Variants in PIGU observed in about 807,000 individuals in gnomAD.
PIGU encodes the protein phosphatidylinositol glycan anchor biosynthesis class U.
Under a neutral mutation model 49.9 loss-of-function variants are expected in PIGU, and 24 were observed. That is an observed-to-expected ratio of 0.48 (90% CI 0.35 to 0.68). The LOEUF (loss-of-function observed/expected upper bound fraction) is 0.68, where lower values mean the gene tolerates loss of function less well. Among genes scored for constraint, PIGU ranks in the 30% least tolerant of loss-of-function variants. The pLI, the probability that PIGU is intolerant of heterozygous loss-of-function variation, is 0.01. For missense variants in PIGU, 490 were observed against 532.6 expected (o/e 0.92, Z 0.79); for synonymous variants, 220 against 205.7 (o/e 1.07, Z -0.59).
At chr20:34,584,453 A>T (rs1348687004) in intron 9 of PIGU, among the ~76,000 whole-genome samples, 2 of 149,902 alleles carry the variant, frequency 1.3e-5, no homozygotes, top group African/African-American at 4.9e-5. Context: ...TGATGGAGAC[A>T]TTCCACCAGA....
chr20:34,592,308 G>A (rs1984022465), intron 7 of PIGU, among the ~76,000 whole-genome samples: 1 of 150,660 alleles, frequency 6.6e-6, no homozygotes, highest in Non-Finnish European at 1.5e-5. Flanking sequence ...CCAAAAGAAG[G>A]AAGAAAATAA....
chr20:34,644,703 A>G (rs939761534), intron 3 of PIGU, among the ~76,000 whole-genome samples: 16 of 152,100 alleles, frequency 1.1e-4, no homozygotes, highest in African/African-American at 3.9e-4. Flanking sequence ...TGTCATCCCA[A>G]TTCTGAAGCT....
At chr20:34,586,140 G>A (rs1983690744) in intron 8 of PIGU, among the ~76,000 whole-genome samples, 1 of 152,068 alleles carries the variant, frequency 6.6e-6, no homozygotes, top group Non-Finnish European at 1.5e-5. Context: ...GGGTTTAACT[G>A]GAAAACTTTT....
intron 6 of PIGU, among the ~76,000 whole-genome samples, chr20:34,628,509 T>G (rs1332865901): frequency 2.0e-5 from 3 of 152,082 alleles, no homozygotes; most frequent in Non-Finnish European, 4.4e-5. Context: ...ATACATACAT[T>G]GGTTAAAGAA....
chr20:34,673,012 T>C (rs555230665), intron 1 of PIGU, among the ~76,000 whole-genome samples: 1 of 152,192 alleles, frequency 6.6e-6, no homozygotes, highest in Non-Finnish European at 1.5e-5. Context: ...CCCAGCACTT[T>C]GGAAGGCCGA....
At chr20:34,596,781 C>A (rs1450998749) in intron 7 of PIGU, among the ~76,000 whole-genome samples, 1 of 152,088 alleles carries the variant, frequency 6.6e-6, no homozygotes, top group African/African-American at 2.4e-5. Flanking sequence ...GCTGTTTAAT[C>A]TTACTTTGAG....
Position 34,560,850 on chromosome 20 carries a change from C to T in PIGU, c.*16G>A, listed in dbSNP as rs766879381. 4 of 1,566,008 alleles carry T rather than the reference C, an allele frequency of 2.6e-6. No homozygotes were observed. The Admixed American group carries it at 6.9e-5, about 27-fold the overall frequency. On this transcript the variant is annotated 3_prime_UTR_variant, in exon 12 of 12. Coordinates refer to ENST00000217446, the MANE Select transcript of PIGU (RefSeq NM_080476.5). ...CACAGCCCCCTGAGGTCCATGCAGC[C>T]CTGTGCCAGCCAGGCCTACTTGAGC... is the stretch of plus-strand genomic sequence containing the variant.
chr20:34,589,713 C>T (rs1287796044), intron 7 of PIGU, among the ~76,000 whole-genome samples: 7 of 125,682 alleles, frequency 5.6e-5, no homozygotes, highest in Non-Finnish European at 9.6e-5. Flanking sequence ...TGGAGTGCTA[C>T]GGCGTGATCT....
rs749182405 is a variant in PIGU at position 34,645,340 on chromosome 20, G to GA, written c.196-7dup. ...AGGTATATTATTAATGGAGTCTGCA[G>GA]AAAAAAAACAGACATGTAAAAAAAA... On this transcript the variant is annotated splice_region_variant and splice_polypyrimidine_tract_variant and intron_variant, in intron 2 of 11. Transcript: ENST00000217446. 1.3e-4 allele frequency: 198 copies of GA among 1,552,828 alleles called. No homozygotes were observed. Among genetic ancestry groups the GA allele is most frequent in the South Asian group, 4.9e-4 (39 of 80,330 alleles).
chr20:34,660,654 A>T (rs535411932), intron 1 of PIGU, among the ~76,000 whole-genome samples: 8 of 152,216 alleles, frequency 5.3e-5, no homozygotes, highest in African/African-American at 1.9e-4. Flanking sequence ...ACCCAAATGG[A>T]GACATAAAAT....
chr20:34,647,719 A>C (rs1986403856), intron 2 of PIGU, among the ~76,000 whole-genome samples: 1 of 152,158 alleles, frequency 6.6e-6, no homozygotes, highest in Non-Finnish European at 1.5e-5. Flanking sequence ...GTGGTAATAG[A>C]AAATACACTA....
chr20:34,594,634 C>G (rs987335211), intron 7 of PIGU, among the ~76,000 whole-genome samples: 2 of 152,186 alleles, frequency 1.3e-5, no homozygotes, highest in African/African-American at 4.8e-5. Flanking sequence ...CTTAACTGGG[C>G]GTGGTGGCAG....
At chr20:34,674,778 A>T (rs1987441471) in intron 1 of PIGU, among the ~76,000 whole-genome samples, 1 of 151,768 alleles carries the variant, frequency 6.6e-6, no homozygotes, top group African/African-American at 2.4e-5. Flanking sequence ...AATACAAAAA[A>T]ATAATAATAA....
chr20:34,652,006 T>C lies in PIGU; in HGVS notation c.195+5174A>G, dbSNP rs561661044. 2.0e-5 allele frequency among the ~76,000 whole-genome samples: 3 copies of C among 152,216 alleles called. No individual in the cohort carries two copies. The East Asian group carries it at 5.8e-4, about 29-fold the overall frequency. ...GTCCCAGCTATTTGGTTTGTTTTTA[T>C]TTTCGTTTTTTGAGTCATGATTTTA... On this transcript the variant is annotated intron_variant, in intron 2 of 11. Transcript: ENST00000217446.
chr20:34,651,565 G>C (rs2146778275), intron 2 of PIGU, among the ~76,000 whole-genome samples: 1 of 151,094 alleles, frequency 6.6e-6, no homozygotes, highest in African/African-American at 2.4e-5. Flanking sequence ...TGCTTTTCTA[G>C]TTGTTCGTGG....
intron 6 of PIGU, among the ~76,000 whole-genome samples, chr20:34,619,137 G>C (rs1298143121): frequency 6.6e-6 from 1 of 152,172 alleles, no homozygotes; most frequent in Non-Finnish European, 1.5e-5. Context: ...GAAGTAATAG[G>C]ACAGAATTCT....
chr20:34,661,624 CA>C (rs1986929397), intron 1 of PIGU, among the ~76,000 whole-genome samples: 1 of 151,872 alleles, frequency 6.6e-6, no homozygotes, highest in South Asian at 2.1e-4. Flanking sequence ...CACTGATGGG[CA>C]TTCAGGTTAA....
chr20:34,630,126 T>G (rs527398553), intron 6 of PIGU, among the ~76,000 whole-genome samples: 9 of 152,224 alleles, frequency 5.9e-5, no homozygotes, highest in South Asian at 2.1e-4. Flanking sequence ...AAAGTTTATA[T>G]ACAGACCACT....
intron 1 of PIGU, among the ~76,000 whole-genome samples, chr20:34,666,112 G>C (rs1378720217): frequency 6.6e-6 from 1 of 152,042 alleles, no homozygotes; most frequent in Non-Finnish European, 1.5e-5. Flanking sequence ...CTTGAACCCA[G>C]AATGCGGAGG....
Sources: allele counts gnomAD v4.1 joint callset (sites outside exome capture counted in the v4.1 genomes callset), GRCh38; gene constraint gnomAD v4.1.1; transcripts MANE v1.5; gene names NCBI Gene and HGNC (gene_info 2026-07-23, HGNC 2026-07-21).